TTC28: variants seen among roughly 807,000 people sequenced by gnomAD.
TTC28 encodes tetratricopeptide repeat protein 28.
In TTC28, 61 loss-of-function variants were observed where a neutral mutation model predicts 198.0. The ratio of observed to expected loss-of-function variants is 0.31; its 90% CI spans 0.25 to 0.38. The LOEUF (loss-of-function observed/expected upper bound fraction) is 0.38, where lower values mean the gene tolerates loss of function less well. Ranked by LOEUF, TTC28 falls within the 10% of genes least tolerant of loss-of-function variation. The probability of loss-of-function intolerance (pLI) is 1.00; values close to 1 mark genes in which losing one functional copy is unlikely to be tolerated. For synonymous variants in TTC28, 1,171 were observed against 1,297.8 expected, an observed-to-expected ratio of 0.90 and a Z score of 2.10; for missense variants, 2,678 against 3,164.0, an observed-to-expected ratio of 0.85 and a Z score of 3.69.
At chr22:28,499,498 C>A (rs1437359682) in intron 2 of TTC28, among the ~76,000 whole-genome samples, 1 of 151,852 alleles carries the variant, frequency 6.6e-6, no homozygotes, top group Non-Finnish European at 1.5e-5. Flanking sequence ...ATTTCTATTA[C>A]AATAAGAAAA....
At chr22:28,606,291 A>C (rs557408393) in intron 2 of TTC28, among the ~76,000 whole-genome samples, 5 of 151,918 alleles carry the variant, frequency 3.3e-5, no homozygotes, top group Non-Finnish European at 7.4e-5. Context: ...GGGTTTCACC[A>C]TGTTGGCTGG....
At chr22:28,086,594 A>G (rs1386665637) in intron 12 of TTC28, among the ~76,000 whole-genome samples, 2 of 152,288 alleles carry the variant, frequency 1.3e-5, no homozygotes, top group East Asian at 3.9e-4. Flanking sequence ...TAACATCACA[A>G]TTAAAAGAAC....
chr22:28,190,492 A>G (rs1924629733), intron 5 of TTC28, among the ~76,000 whole-genome samples: 1 of 152,202 alleles, frequency 6.6e-6, no homozygotes, highest in South Asian at 2.1e-4. Flanking sequence ...AATGATGAGT[A>G]TGTATACTTC....
chr22:28,243,655 TG>T (rs1929860327), intron 5 of TTC28, among the ~76,000 whole-genome samples: 1 of 152,088 alleles, frequency 6.6e-6, no homozygotes, highest in South Asian at 2.1e-4. Context: ...TTAGAGAACG[TG>T]GATTAGATAG....
intron 21 of TTC28, 121 bp downstream of exon 21, chr22:27,989,757 G>C: frequency 1.5e-6 from 2 of 1,328,882 alleles, no homozygotes; most frequent in South Asian, 3.0e-5. Context: ...TGAGTTAACT[G>C]TTTTAAGATA....
At chr22:28,189,450 T>G (rs1236315419) in intron 5 of TTC28, among the ~76,000 whole-genome samples, 1 of 151,784 alleles carries the variant, frequency 6.6e-6, no homozygotes, top group Non-Finnish European at 1.5e-5. Context: ...CAGCCTAACA[T>G]CTGACTAACA....
chr22:28,650,831 T>C (rs562748393), intron 1 of TTC28, among the ~76,000 whole-genome samples: 1 of 152,286 alleles, frequency 6.6e-6, no homozygotes, highest in African/African-American at 2.4e-5. Context: ...TAAAACAAGG[T>C]AGTAGTCTAA....
intron 7 of TTC28, 53 bp from the exon 8 acceptor site, chr22:28,105,855 A>C: frequency 1.3e-6 from 2 of 1,484,382 alleles, no homozygotes; most frequent in South Asian, 2.7e-5. Context: ...AGGTGCAGAC[A>C]TGCTAAAGCC....
At chr22:28,616,930 T>C (rs2050913513) in intron 2 of TTC28, among the ~76,000 whole-genome samples, 1 of 151,842 alleles carries the variant, frequency 6.6e-6, no homozygotes, top group Non-Finnish European at 1.5e-5. Flanking sequence ...AAAGAGGAGG[T>C]ATTTTATCAT....
At position 27,990,019 on chromosome 22, in the gene TTC28, G is replaced by C. The variant is rs1268061827; in HGVS notation, c.5578-12C>G. ...AGCACCTGGTGGAGCTGAGGAAGGG[G>C]GGACAGCGTGAGCACCCTGTGTCTC... On this transcript the variant is annotated splice_polypyrimidine_tract_variant and intron_variant, in intron 20 of 22. Coordinates refer to ENST00000397906, the MANE Select transcript of TTC28 (RefSeq NM_001145418.2). The C allele has an allele frequency of 2.6e-6, 4 of 1,548,740 alleles. No homozygotes were observed. In the Admixed American group the frequency reaches 7.9e-5, roughly 30 times the overall value.
chr22:28,490,288 A>G (rs2048358679), intron 2 of TTC28, among the ~76,000 whole-genome samples: 1 of 152,174 alleles, frequency 6.6e-6, no homozygotes, highest in Non-Finnish European at 1.5e-5. Flanking sequence ...TACAATCCCA[A>G]AATGTCATGG....
chr22:28,559,939 T>G (rs1601566075), intron 2 of TTC28, among the ~76,000 whole-genome samples: 2 of 152,198 alleles, frequency 1.3e-5, no homozygotes, highest in Admixed American at 1.3e-4. Flanking sequence ...CCCTGATCTC[T>G]CCCATGGGCC....
At chr22:28,487,362 C>A (rs550039651) in intron 2 of TTC28, among the ~76,000 whole-genome samples, 1 of 151,676 alleles carries the variant, frequency 6.6e-6, no homozygotes, top group South Asian at 2.1e-4. Context: ...GTTAAGATTT[C>A]AATATATAAA....
chr22:28,281,953 G>T (rs2044590769), intron 5 of TTC28, among the ~76,000 whole-genome samples: 1 of 152,114 alleles, frequency 6.6e-6, no homozygotes, highest in South Asian at 2.1e-4. Context: ...CTTTCTGGTT[G>T]TTTTTGTGGC....
chr22:28,444,694 A>C (rs1464614936), intron 2 of TTC28, among the ~76,000 whole-genome samples: 1 of 152,178 alleles, frequency 6.6e-6, no homozygotes, highest in Non-Finnish European at 1.5e-5. Flanking sequence ...GTGGGGCTAG[A>C]ATTCAGACCC....
rs186342179 is a variant in TTC28, at chr22:28,569,938, A to G, written c.381+59614T>C. ...GAAAGAAGACATATACGTGACCAAC[A>G]AGCATATTAAAAAATGCTCAACATC... is the stretch of plus-strand genomic sequence containing the variant. On this transcript the variant is annotated intron_variant, in intron 2 of 22. Coordinates refer to ENST00000397906, the MANE Select transcript of TTC28 (RefSeq NM_001145418.2). Among the ~76,000 whole-genome samples the G allele has an allele frequency of 7.9e-5, 12 of 152,354 alleles. No individual in the cohort carries two copies. In the East Asian group the frequency reaches 2.3e-3, roughly 29 times the overall value.
intron 12 of TTC28, among the ~76,000 whole-genome samples, chr22:28,039,274 T>A (rs1266630449): frequency 6.6e-6 from 1 of 152,158 alleles, no homozygotes; most frequent in Non-Finnish European, 1.5e-5. Flanking sequence ...CCAACCCAAA[T>A]GTCCAACAAT....
chr22:28,282,335 C>A (rs1186177761), intron 5 of TTC28, among the ~76,000 whole-genome samples: 3 of 152,116 alleles, frequency 2.0e-5, no homozygotes, highest in African/African-American at 7.2e-5. Context: ...TGAAAATAGT[C>A]TATGATTCAC....
At chr22:28,091,743 C>G (rs9620768) in intron 12 of TTC28, among the ~76,000 whole-genome samples, 12,432 of 152,068 alleles carry the variant, frequency 0.082, 546 homozygotes, top group African/African-American at 0.092. Context: ...CTAGAGATTA[C>G]GGATCCTGAT....
Sources: gnomAD v4.1 joint callset for allele counts (sites outside exome capture counted in the v4.1 genomes callset) on GRCh38, gnomAD v4.1.1 for gene constraint, MANE v1.5 for transcripts, NCBI Gene and HGNC (gene_info 2026-07-23, HGNC 2026-07-21) for gene names.